The following TMEM67 variants were observed in gnomAD, a reference collection of about 807,000 sequenced individuals.
The protein encoded by TMEM67 is transmembrane protein 67, also known as meckelin.
In TMEM67, 124 loss-of-function variants were observed where a neutral mutation model predicts 136.6. The observed-to-expected ratio is 0.91, with a 90% CI of 0.78 to 1.05. The LOEUF (loss-of-function observed/expected upper bound fraction) is 1.05, where lower values mean the gene tolerates loss of function less well. Among genes scored for constraint, TMEM67 ranks in the 50% least tolerant of loss-of-function variants. The pLI, the probability that TMEM67 is intolerant of heterozygous loss-of-function variation, is 0.00. For synonymous variants in TMEM67, 364 were observed against 390.5 expected (o/e 0.93, Z 0.80); for missense variants, 1,107 against 1,178.4 (o/e 0.94, Z 0.89).
chr8:93,769,333 G>A (rs1043407035), intron 6 of TMEM67, among the ~76,000 whole-genome samples: 1 of 152,368 alleles, frequency 6.6e-6, no homozygotes, highest in Admixed American at 6.5e-5. Context: ...GAGGTCAGCC[G>A]GATTCCATAT....
In TMEM67 at chr8:93,763,864, A is replaced by G; in HGVS notation, c.429A>G (p.Thr143=). The change falls in exon 4 of 28, where the codon ACA becomes ACG. Residue 143 remains threonine, a synonymous_variant. Transcript: ENST00000453321. ...HILVERDING[T]LLSQATCELC... ...CAGTGGAAAGAGACATTAATGGAAC[A>G]TTGTTGTCTCAAGCAACTTGTGAGC... is the stretch of plus-strand genomic sequence containing the variant. 1 of 1,613,706 alleles carries G rather than the reference A, an allele frequency of 6.2e-7. No individual in the cohort carries two copies. The highest frequency in any genetic ancestry group is 8.5e-7 in the Non-Finnish European group (1 of 1,179,668).
chr8:93,766,439 T>C (rs1586017723), intron 6 of TMEM67, among the ~76,000 whole-genome samples: 1 of 152,246 alleles, frequency 6.6e-6, no homozygotes, highest in East Asian at 1.9e-4. Context: ...ATTTTGTGGA[T>C]GAGAGCATTG....
At position 93,780,870 on chromosome 8, in the gene TMEM67, A is replaced by G. The variant is rs1393776896; in HGVS notation, c.870-4A>G. The G allele has an allele frequency of 6.2e-7, 1 of 1,607,024 alleles. No individual in the cohort carries two copies. Among genetic ancestry groups the G allele is most frequent in the Non-Finnish European group, 8.5e-7 (1 of 1,175,162 alleles). On this transcript the variant is annotated splice_polypyrimidine_tract_variant and splice_region_variant and intron_variant, in intron 8 of 27. Transcript: ENST00000453321. ...ATTATTAAAACAGTTGTAACTGTTT[A>G]TAGGAGACAGAATCTTCCTTGGCTG...
intron 6 of TMEM67, chr8:93,769,622 C>G (rs966921969): frequency 6.0e-6 from 1 of 167,054 alleles, no homozygotes; most frequent in African/African-American, 2.4e-5. Flanking sequence ...AACGTGTAAG[C>G]AAAATCTAGT....
At chr8:93,820,099 C>T (rs1328707209), downstream of TMEM67, among the ~76,000 whole-genome samples, 1 of 152,164 alleles carries the variant, frequency 6.6e-6, no homozygotes, top group East Asian at 1.9e-4. Context: ...TGACCCCACC[C>T]TGCCTTGCCA....
At chr8:93,821,977 C>G (rs1342661842), downstream of TMEM67, among the ~76,000 whole-genome samples, 1 of 151,964 alleles carries the variant, frequency 6.6e-6, no homozygotes, top group Non-Finnish European at 1.5e-5. Flanking sequence ...TAAATTTATA[C>G]TTTTGTAAAT....
chr8:93,785,070 TAGTATAA>T (rs1563461994), intron 11 of TMEM67, 145 bp from the exon 12 acceptor site: 1 of 625,520 alleles, frequency 1.6e-6, no homozygotes, highest in Non-Finnish European at 2.8e-6. Flanking sequence ...ATAAACAAGG[TAGTATAA>T]AGACATTTTG....
At chr8:93,757,852 T>A (rs764958224) in intron 2 of TMEM67, among the ~76,000 whole-genome samples, 4 of 151,922 alleles carry the variant, frequency 2.6e-5, no homozygotes, top group Non-Finnish European at 5.9e-5. Flanking sequence ...CCTCCACCTT[T>A]CTGGTTCAAG....
At chr8:93,827,122 C>A in the TMEM67 span, among the ~76,000 whole-genome samples, 1 of 152,176 alleles carries the variant, frequency 6.6e-6, no homozygotes, top group Middle Eastern at 3.2e-3. Flanking sequence ...TGAGCCACCC[C>A]ACCTGGCCAG....
intron 27 of TMEM67, among the ~76,000 whole-genome samples, chr8:93,815,992 T>G (rs1207357716): frequency 6.6e-6 from 1 of 152,268 alleles, no homozygotes; most frequent in Non-Finnish European, 1.5e-5. Flanking sequence ...TATATATAAG[T>G]AAGATGCAAT....
rs56199321 is a variant in TMEM67 at position 93,793,421 on chromosome 8, G to A, written c.1674+125G>A. ...AATTTTTCTGGGATATGTAATTAGGGTAAGTATTGCTGGGTCATATGGTAT... is the reference window on the plus strand; with the variant it reads ...AATTTTTCTGGGATATGTAATTAGGATAAGTATTGCTGGGTCATATGGTAT... On this transcript the variant is annotated intron_variant, in intron 16 of 27. Coordinates refer to ENST00000453321, the MANE Select transcript of TMEM67 (RefSeq NM_153704.6). 5.3e-3 allele frequency: 4,244 copies of A among 795,952 alleles called. 131 individuals are homozygous for A. The African/African-American group carries it at 0.061, about 12-fold the overall frequency. The allele number at this position is 795,952 out of a possible 1,614,324, so 49.3% of individuals were successfully genotyped here.
intron 18 of TMEM67, among the ~76,000 whole-genome samples, chr8:93,796,298 A>T (rs1360906834): frequency 1.3e-5 from 2 of 152,190 alleles, no homozygotes; most frequent in African/African-American, 4.8e-5. Context: ...TTCAGGCATG[A>T]ATTTTGTCTC....
the TMEM67 span, among the ~76,000 whole-genome samples, chr8:93,826,643 G>C: frequency 1.3e-5 from 2 of 151,992 alleles, no homozygotes; most frequent in African/African-American, 4.8e-5. Flanking sequence ...ACACTTTCTA[G>C]GCTTCTGTTT....
At chr8:93,755,188 C>T in intron 1 of TMEM67, 51 bp downstream of exon 1, 2 of 1,512,316 alleles carry the variant, frequency 1.3e-6, no homozygotes, top group Non-Finnish European at 9.2e-7. Context: ...CCGCCTTGGT[C>T]GGCCCCTAGT....
chr8:93,818,393 G>A (rs1808979953), downstream of TMEM67, among the ~76,000 whole-genome samples: 1 of 152,196 alleles, frequency 6.6e-6, no homozygotes, highest in African/African-American at 2.4e-5. Flanking sequence ...CTGTAGACCA[G>A]TGCCTCTGTT....
intron 1 of TMEM67, 44 bp downstream of exon 1, chr8:93,755,181 C>A (rs1812513066): frequency 6.5e-7 from 1 of 1,548,040 alleles, no homozygotes; most frequent in African/African-American, 1.4e-5. Context: ...AACACTCCCG[C>A]CTTGGTCGGC....
chr8:93,797,914 G>A (rs895490671), intron 20 of TMEM67, among the ~76,000 whole-genome samples: 4 of 152,140 alleles, frequency 2.6e-5, no homozygotes, highest in Admixed American at 1.3e-4. Flanking sequence ...CCCGGGAGGC[G>A]GAGGTTACAG....
intron 16 of TMEM67, 113 bp from the exon 17 acceptor site, chr8:93,795,296 C>A: frequency 1.1e-6 from 1 of 901,832 alleles, no homozygotes; most frequent in Non-Finnish European, 1.8e-6. Flanking sequence ...ATATGTGAAA[C>A]AAGGCTTCAG....
At chr8:93,755,972 A>G in intron 2 of TMEM67, 106 bp downstream of exon 2, 1 of 667,102 alleles carries the variant, frequency 1.5e-6, no homozygotes, top group South Asian at 2.3e-5. Flanking sequence ...CACAGACTTT[A>G]AAATTACTAT....
Sources: gnomAD v4.1 joint callset for allele counts (sites outside exome capture counted in the v4.1 genomes callset) on GRCh38, gnomAD v4.1.1 for gene constraint, MANE v1.5 for transcripts, NCBI Gene and HGNC (gene_info 2026-07-23, HGNC 2026-07-21) for gene names.